The following ENAH variants were observed in gnomAD, a reference collection of about 807,000 sequenced individuals.
ENAH encodes ENAH actin regulator, also known as protein enabled homolog.
ENAH carries 23 observed loss-of-function variants against 78.7 expected under a neutral mutation model. The observed-to-expected ratio is 0.29, with a 90% CI of 0.21 to 0.41. The LOEUF is 0.41. ENAH is among the 10% of genes least tolerant of loss of function. The pLI is 1.00. For missense variants in ENAH, 544 were observed against 691.0 expected (o/e 0.79, Z 2.39); for synonymous variants, 226 against 241.0 (o/e 0.94, Z 0.58).
chr1:225,531,568 T>C (rs1244142835), intron 3 of ENAH, among the ~76,000 whole-genome samples: 1 of 152,114 alleles, frequency 6.6e-6, no homozygotes, highest in Non-Finnish European at 1.5e-5. Context: ...TCTTCCACTC[T>C]TGGAGAAGAA....
intron 1 of ENAH, among the ~76,000 whole-genome samples, chr1:225,621,846 T>C (rs1194523997): frequency 6.6e-6 from 1 of 152,192 alleles, no homozygotes; most frequent in African/African-American, 2.4e-5. Context: ...CCTATCCTCC[T>C]TCTCAAAGCT....
Position 225,634,095 on chromosome 1 carries a change from T to C in ENAH, c.5+18591A>G, listed in dbSNP as rs182628990. ...AGCTGATTTTTTTTCTTTAGTCAGT[T>C]CCAATTTATAAATGAGCTTATGATT... On this transcript the variant is annotated intron_variant, in intron 1 of 13. Transcript: ENST00000366843. Among the ~76,000 whole-genome samples, 136 of 152,338 alleles carry C rather than the reference T, an allele frequency of 8.9e-4. 1 individual carries two copies. Among genetic ancestry groups the C allele is most frequent in the African/African-American group, 3.1e-3 (128 of 41,580 alleles).
chr1:225,582,214 T>C (rs1201015017), intron 1 of ENAH, among the ~76,000 whole-genome samples: 1 of 152,088 alleles, frequency 6.6e-6, no homozygotes, highest in Non-Finnish European at 1.5e-5. Flanking sequence ...AGCTCCCCCT[T>C]TGCCTTCCGC....
At chr1:225,543,792 T>C (rs1317994951) in intron 3 of ENAH, among the ~76,000 whole-genome samples, 1 of 152,206 alleles carries the variant, frequency 6.6e-6, no homozygotes, top group South Asian at 2.1e-4. Flanking sequence ...TATGTATTAA[T>C]GAAATAATGT....
intron 1 of ENAH, among the ~76,000 whole-genome samples, chr1:225,604,128 C>CT (rs1351961353): frequency 6.6e-6 from 1 of 152,214 alleles, no homozygotes; most frequent in Admixed American, 6.5e-5. Flanking sequence ...AGTAATAACA[C>CT]TGTCATTCTA....
chr1:225,548,008 G>A (rs569761846), intron 3 of ENAH, among the ~76,000 whole-genome samples: 2 of 152,294 alleles, frequency 1.3e-5, no homozygotes, highest in Non-Finnish European at 2.9e-5. Flanking sequence ...AAGAAGATCT[G>A]TGAGGACAAG....
At chr1:225,580,415 G>A (rs1242025713) in intron 1 of ENAH, among the ~76,000 whole-genome samples, 1 of 152,126 alleles carries the variant, frequency 6.6e-6, no homozygotes, top group Non-Finnish European at 1.5e-5. Context: ...GACTTCAGTT[G>A]AGACTGCAGC....
intron 3 of ENAH, among the ~76,000 whole-genome samples, chr1:225,533,759 G>A (rs116443718): frequency 2.1e-4 from 32 of 152,226 alleles, no homozygotes; most frequent in African/African-American, 7.7e-4. Context: ...TGTCAGTCTT[G>A]CCTTCAATAT....
chr1:225,588,593 A>C (rs1474184492), intron 1 of ENAH, among the ~76,000 whole-genome samples: 1 of 152,196 alleles, frequency 6.6e-6, no homozygotes, highest in Non-Finnish European at 1.5e-5. Context: ...ACGGATCACG[A>C]AGTCAGGAGA....
At position 225,574,932 on chromosome 1, in the gene ENAH, A is replaced by T. The variant is rs1452162650; in HGVS notation, c.6-7518T>A. 1.5e-5 allele frequency among the ~76,000 whole-genome samples: 2 copies of T among 130,092 alleles called. 1 individual carries two copies. The highest frequency in any genetic ancestry group is 3.4e-5 in the Non-Finnish European group (2 of 58,024). The allele number at this position is 130,092 out of a possible 152,430, so 85.3% of individuals were successfully genotyped here. ...AAAAAAAAAAAAAATATATATATAT[A>T]AAAAAAAAAAAAGATTGTGCATTCA... On this transcript the variant is annotated intron_variant, in intron 1 of 13. Coordinates refer to ENST00000366843, the MANE Select transcript of ENAH (RefSeq NM_018212.6).
At chr1:225,512,565 C>A in intron 9 of ENAH, 92 bp downstream of exon 9, 3 of 1,308,278 alleles carry the variant, frequency 2.3e-6, no homozygotes, top group South Asian at 1.4e-5. Flanking sequence ...ACTAATTAAG[C>A]CCAAATTAAA....
chr1:225,503,879 T>G (rs1286157282), intron 11 of ENAH, among the ~76,000 whole-genome samples: 1 of 152,132 alleles, frequency 6.6e-6, no homozygotes, highest in Non-Finnish European at 1.5e-5. Context: ...ATATTCCCAG[T>G]GAACTTGATG....
intron 1 of ENAH, among the ~76,000 whole-genome samples, chr1:225,569,861 G>C (rs1390171363): frequency 6.6e-6 from 1 of 152,136 alleles, no homozygotes; most frequent in African/African-American, 2.4e-5. Flanking sequence ...TGGGTATGTG[G>C]CACACTGTGA....
In ENAH at chr1:225,583,388, C is replaced by T. The variant is rs183103593; in HGVS notation, c.6-15974G>A. Among the ~76,000 whole-genome samples, 868 of 140,362 alleles carry T rather than the reference C, an allele frequency of 6.2e-3. 8 individuals carry two copies. Among genetic ancestry groups the T allele is most frequent in the African/African-American group, 0.022 (807 of 37,472 alleles). The allele number at this position is 140,362 out of a possible 152,430, so 92.1% of individuals were successfully genotyped here. ...AGGTGGAGTTGCAGTGAGCCAAGAT[C>T]GCGCCATTGCACTCCAGACTGGGCG... On this transcript the variant is annotated intron_variant, in intron 1 of 13. Transcript: ENST00000366843.
In ENAH at chr1:225,649,025, A is replaced by G. The variant is rs548537297; in HGVS notation, c.5+3661T>C. ...AGCCCACTGCCCAGAAGTTTTACCCAAATAGTCTAACATAGAAATAGGCCT... is the reference window on the plus strand; with the variant it reads ...AGCCCACTGCCCAGAAGTTTTACCCGAATAGTCTAACATAGAAATAGGCCT... On this transcript the variant is annotated intron_variant, in intron 1 of 13. Transcript: ENST00000366843. Among the ~76,000 whole-genome samples the G allele has an allele frequency of 2.6e-5, 4 of 152,304 alleles. No homozygotes were observed. The South Asian group carries it at 6.2e-4, about 24-fold the overall frequency.
chr1:225,609,701 G>T (rs1294631616), intron 1 of ENAH, among the ~76,000 whole-genome samples: 1 of 107,168 alleles, frequency 9.3e-6, no homozygotes, highest in Non-Finnish European at 1.7e-5. Context: ...GAGTCTCTCT[G>T]TCGCCCAGGC....
At chr1:225,603,169 T>C (rs2096938905) in intron 1 of ENAH, among the ~76,000 whole-genome samples, 1 of 152,124 alleles carries the variant, frequency 6.6e-6, no homozygotes, top group Non-Finnish European at 1.5e-5. Flanking sequence ...TAGAAATTTG[T>C]TAATGGTTCT....
At chr1:225,527,041 G>C (rs1298341898) in intron 4 of ENAH, among the ~76,000 whole-genome samples, 1 of 152,166 alleles carries the variant, frequency 6.6e-6, no homozygotes, top group African/African-American at 2.4e-5. Flanking sequence ...TTAGTTTCTT[G>C]CTGGGCTCTA....
chr1:225,545,193 C>T (rs1445963388), intron 3 of ENAH, among the ~76,000 whole-genome samples: 1 of 152,190 alleles, frequency 6.6e-6, no homozygotes, highest in African/African-American at 2.4e-5. Context: ...TGTCCATCTA[C>T]ATTGAAGAGA....
Sources: allele counts gnomAD v4.1 joint callset (sites outside exome capture counted in the v4.1 genomes callset), GRCh38; gene constraint gnomAD v4.1.1; transcripts MANE v1.5; gene names NCBI Gene and HGNC (gene_info 2026-07-23, HGNC 2026-07-21).